The following C11orf65 variants were observed in gnomAD, a reference collection of about 807,000 sequenced individuals.
The protein encoded by C11orf65 is chromosome 11 open reading frame 65.
Under a neutral mutation model 35.3 loss-of-function variants are expected in C11orf65, and 38 were observed. The ratio of observed to expected loss-of-function variants is 1.08; its 90% CI spans 0.83 to 1.41. The LOEUF (loss-of-function observed/expected upper bound fraction) is 1.41. Among genes scored for constraint, C11orf65 ranks in the 40% most tolerant of loss-of-function variants. The pLI is 0.00. For synonymous variants in C11orf65, 105 were observed against 114.4 expected (o/e 0.92, Z 0.53); for missense variants, 370 against 367.1 (o/e 1.01, Z -0.06).
downstream of C11orf65, chr11:108,327,791 A>T: frequency 6.9e-7 from 1 of 1,458,784 alleles, no homozygotes; most frequent in Non-Finnish European, 9.6e-7. Flanking sequence ...TAAGATAGTT[A>T]CTTAGCATGA....
chr11:108,350,034 A>G (rs1456119413), intron 2 of C11orf65, among the ~76,000 whole-genome samples: 1 of 152,158 alleles, frequency 6.6e-6, no homozygotes, highest in African/African-American at 2.4e-5. Flanking sequence ...TAAGAATTGG[A>G]GGGATGGTAA....
Position 108,316,094 on chromosome 11 carries a change from G to A in C11orf65, c.641-7023C>T, listed in dbSNP as rs376521407. On this transcript the variant is annotated intron_variant, in intron 6 of 6. Transcript: ENST00000525729. The stretch of plus-strand genomic sequence containing the variant: ...GAAACAGCAATCCCCTCATCAACAC[G>A]CCAGGCAGGAATCATTCAGGTACAT... The A allele has an allele frequency of 5.6e-6, 9 of 1,613,980 alleles. No homozygotes were observed. The highest frequency in any genetic ancestry group is 6.8e-6 in the Non-Finnish European group (8 of 1,179,960).
At chr11:108,426,753 T>C (rs186577100) in intron 3 of C11orf65, among the ~76,000 whole-genome samples, 76 of 151,824 alleles carry the variant, frequency 5.0e-4, no homozygotes, top group African/African-American at 1.7e-3. Context: ...CAAACTATAC[T>C]ACAAGGCCAC....
At chr11:108,434,613 G>C (rs2093037499) in intron 2 of C11orf65, among the ~76,000 whole-genome samples, 2 of 151,738 alleles carry the variant, frequency 1.3e-5, no homozygotes, top group Non-Finnish European at 2.9e-5. Flanking sequence ...TGCCAACACA[G>C]AGACTAACAC....
intron 3 of C11orf65, among the ~76,000 whole-genome samples, chr11:108,422,120 G>C (rs1032228758): frequency 1.2e-4 from 18 of 152,150 alleles, no homozygotes; most frequent in African/African-American, 4.3e-4. Flanking sequence ...AGTAGAGACG[G>C]GGTTTCACTA....
At chr11:108,413,098 C>A (rs954633016) in intron 3 of C11orf65, among the ~76,000 whole-genome samples, 1 of 152,178 alleles carries the variant, frequency 6.6e-6, no homozygotes, top group Non-Finnish European at 1.5e-5. Flanking sequence ...TAAAACACTT[C>A]TTCGAACAAC....
intron 2 of C11orf65, among the ~76,000 whole-genome samples, chr11:108,360,011 G>T (rs1301606349): frequency 6.6e-6 from 1 of 151,794 alleles, no homozygotes; most frequent in East Asian, 1.9e-4. Context: ...TCCAGGAGCT[G>T]GTTTTTTGAA....
At chr11:108,353,901 G>A (rs1353713110) in intron 2 of C11orf65, 2 of 1,595,032 alleles carry the variant, frequency 1.3e-6, no homozygotes, top group East Asian at 4.5e-5. Flanking sequence ...TGAAGTAAAG[G>A]AGGGAAATAA....
chr11:108,456,715 T>C (rs1357021191), intron 2 of C11orf65, among the ~76,000 whole-genome samples: 5 of 151,096 alleles, frequency 3.3e-5, no homozygotes, highest in Non-Finnish European at 5.9e-5. Context: ...AGTTCAAGGT[T>C]ACAGTGAACT....
At position 108,416,045 on chromosome 11, in the gene C11orf65, G is replaced by A. The variant is rs540004090; in HGVS notation, c.175-8896C>T. On this transcript the variant is annotated intron_variant, in intron 3 of 8. Coordinates refer to ENST00000393084, the MANE Select transcript of C11orf65 (RefSeq NM_152587.5). ...AGAAGATAACATAGGAGGAAATCTA[G>A]GTGAGCTTGGGTTTGGTGATGACTT... 1.8e-3 allele frequency among the ~76,000 whole-genome samples: 276 copies of A among 152,260 alleles called. 1 individual carries two copies. The highest frequency in any genetic ancestry group is 3.4e-3 in the Non-Finnish European group (229 of 68,020).
intron 2 of C11orf65, chr11:108,353,923 A>G: frequency 6.5e-7 from 1 of 1,540,278 alleles, no homozygotes; most frequent in Non-Finnish European, 9.0e-7. Flanking sequence ...TTTTGATGTC[A>G]AAATTACATG....
chr11:108,447,216 C>T (rs1426679723), intron 2 of C11orf65, among the ~76,000 whole-genome samples: 2 of 152,090 alleles, frequency 1.3e-5, no homozygotes, highest in Non-Finnish European at 2.9e-5. Context: ...CAACATTAGA[C>T]AGATCAACGA....
chr11:108,365,009 C>A (rs2137858370), intron 2 of C11orf65: 1 of 1,541,084 alleles, frequency 6.5e-7, no homozygotes, highest in East Asian at 2.3e-5. Flanking sequence ...TTGTATGATA[C>A]TGGTTCTACT....
rs879254240 is a variant in C11orf65 at position 108,343,283 on chromosome 11, G to A, written c.227-7991C>T. The A allele has an allele frequency of 6.2e-7, 1 of 1,614,020 alleles. No individual in the cohort carries two copies. Among genetic ancestry groups the A allele is most frequent in the East Asian group, 2.2e-5 (1 of 44,878 alleles). Reference sequence around the variant, plus strand: ...TGGTGCACAGGAACTGTCCCCATTGGTGAATTTCTTGTTAACAATGAAGAT... The same window carrying A: ...TGGTGCACAGGAACTGTCCCCATTGATGAATTTCTTGTTAACAATGAAGAT... On this transcript the variant is annotated intron_variant, in intron 2 of 3. Transcript: ENST00000524755.
Position 108,377,635 on chromosome 11 carries a change from A to G in C11orf65, c.226+15573T>C, listed in dbSNP as rs1417641896. Among the ~76,000 whole-genome samples, 106 of 151,530 alleles carry G rather than the reference A, an allele frequency of 7.0e-4. 1 individual carries two copies. Among genetic ancestry groups the G allele is most frequent in the African/African-American group, 2.4e-3 (101 of 41,326 alleles). ...AGTGTTGGAAGTTCTGGCCAGGGCA[A>G]TCAGGCAGGAGAAGGAAATAAAGGG... On this transcript the variant is annotated intron_variant, in intron 2 of 3. Coordinates refer to the C11orf65 transcript ENST00000524755.
chr11:108,385,781 G>C lies in C11orf65; in HGVS notation c.787+139C>G, dbSNP rs928058581. 4.5e-6 allele frequency: 3 copies of C among 673,428 alleles called. No individual in the cohort carries two copies. In the African/African-American group the frequency reaches 5.4e-5, roughly 12 times the overall value. The allele number at this position is 673,428 out of a possible 1,614,324, so 41.7% of individuals were successfully genotyped here. Reference sequence around the variant, plus strand: ...CCCAAATAACAATCTTACATACAAAGGTAAAAATGACTTGACAAATGCATC... The same window carrying C: ...CCCAAATAACAATCTTACATACAAACGTAAAAATGACTTGACAAATGCATC... On this transcript the variant is annotated intron_variant, in intron 8 of 8. Transcript: ENST00000393084.
intron 6 of C11orf65, among the ~76,000 whole-genome samples, chr11:108,315,513 C>G (rs774359957): frequency 6.6e-6 from 1 of 151,894 alleles, no homozygotes; most frequent in Non-Finnish European, 1.5e-5. Context: ...CATGACATAA[C>G]TTTTAAAAAA....
At chr11:108,368,572 G>A (rs2091450454) in intron 2 of C11orf65, 1 of 218,182 alleles carries the variant, frequency 4.6e-6, no homozygotes, top group Non-Finnish European at 9.2e-6. Flanking sequence ...GTGTAATATG[G>A]ACAGTATCTA....
chr11:108,445,492 G>A (rs1352886914), intron 2 of C11orf65, among the ~76,000 whole-genome samples: 1 of 152,144 alleles, frequency 6.6e-6, no homozygotes, highest in Admixed American at 6.5e-5. Flanking sequence ...AGCCACCACT[G>A]CTGATACCCA....
Sources: gnomAD v4.1 joint callset for allele counts (sites outside exome capture counted in the v4.1 genomes callset) on GRCh38, gnomAD v4.1.1 for gene constraint, MANE v1.5 for transcripts, NCBI Gene and HGNC (gene_info 2026-07-23, HGNC 2026-07-21) for gene names.